Variants in TET3 observed in about 807,000 individuals in gnomAD.
The protein encoded by TET3 is methylcytosine dioxygenase TET3.
A neutral mutation model predicts 141.4 loss-of-function variants in TET3; 19 were observed. That is an observed-to-expected ratio of 0.13 (90% CI 0.09 to 0.20). The LOEUF (loss-of-function observed/expected upper bound fraction) is 0.20. Ranked by LOEUF, TET3 falls within the 10% of genes least tolerant of loss-of-function variation. The pLI, the probability that TET3 is intolerant of heterozygous loss-of-function variation, is 1.00. For synonymous variants in TET3, 1,043 were observed against 980.9 expected, an observed-to-expected ratio of 1.06 and a Z score of -1.18; for missense variants, 1,874 against 2,356.9, an observed-to-expected ratio of 0.80 and a Z score of 4.24.
intron 3 of TET3, among the ~76,000 whole-genome samples, chr2:74,020,273 C>A (rs1030797768): frequency 6.6e-6 from 1 of 152,172 alleles, no homozygotes; most frequent in Non-Finnish European, 1.5e-5. Context: ...CAATCTCTGC[C>A]TCTGGGTTCA....
chr2:74,058,647 G>T (rs1234703634), intron 4 of TET3, among the ~76,000 whole-genome samples: 1 of 151,712 alleles, frequency 6.6e-6, no homozygotes, highest in Non-Finnish European at 1.5e-5. Context: ...ACACATACAG[G>T]AAGATATGTA....
chr2:74,062,098 G>A (rs1168311996), intron 4 of TET3, among the ~76,000 whole-genome samples: 1 of 152,176 alleles, frequency 6.6e-6, no homozygotes, highest in African/African-American at 2.4e-5. Context: ...GTAGCGAGCC[G>A]AGAGCACGCC....
At chr2:74,080,126 A>G (rs1689724649) in intron 5 of TET3, among the ~76,000 whole-genome samples, 1 of 152,254 alleles carries the variant, frequency 6.6e-6, no homozygotes, top group East Asian at 1.9e-4. Context: ...ATAAATAGCT[A>G]ACTCTCAGGG....
intron 3 of TET3, among the ~76,000 whole-genome samples, chr2:74,024,922 G>A (rs1186899643): frequency 6.6e-6 from 1 of 151,986 alleles, no homozygotes; most frequent in Admixed American, 6.6e-5. Flanking sequence ...TGAACCATTT[G>A]AAAGTAAGTA....
chr2:74,094,194 C>T (rs1181656196), intron 10 of TET3, among the ~76,000 whole-genome samples: 1 of 152,140 alleles, frequency 6.6e-6, no homozygotes, highest in Non-Finnish European at 1.5e-5. Flanking sequence ...AGAGGCTGCT[C>T]TGAGGAGGGG....
chr2:74,048,760 A>G (rs952495508), intron 4 of TET3, among the ~76,000 whole-genome samples: 8 of 152,224 alleles, frequency 5.3e-5, no homozygotes, highest in African/African-American at 1.9e-4. Flanking sequence ...AGCTTGGGCA[A>G]CAGCTTAGTG....
At chr2:74,115,102 C>T in the TET3 span, among the ~76,000 whole-genome samples, 83,803 of 151,766 alleles carry the variant, frequency 0.55, 24,887 homozygotes, top group East Asian at 0.86. Context: ...AAATAAGCAA[C>T]TGAGATTATA....
intron 5 of TET3, among the ~76,000 whole-genome samples, chr2:74,080,248 C>T (rs935933715): frequency 2.6e-5 from 4 of 152,222 alleles, no homozygotes; most frequent in Non-Finnish European, 4.4e-5. Context: ...TGTCTTTCTG[C>T]CTTGGATCAG....
chr2:74,008,882 T>A (rs978820598), intron 3 of TET3, among the ~76,000 whole-genome samples: 6 of 152,156 alleles, frequency 3.9e-5, no homozygotes, highest in African/African-American at 1.4e-4. Flanking sequence ...CTGGAACTTT[T>A]ACGCCCTTGG....
At chr2:74,090,126 T>C in intron 8 of TET3, 79 bp downstream of exon 8, 1 of 1,565,210 alleles carries the variant, frequency 6.4e-7, no homozygotes, top group Non-Finnish European at 8.7e-7. Context: ...GAGGTAGTAC[T>C]GGCACGCCAT....
chr2:74,014,005 T>G (rs1371571591), intron 3 of TET3, among the ~76,000 whole-genome samples: 1 of 151,288 alleles, frequency 6.6e-6, no homozygotes, highest in East Asian at 1.9e-4. Context: ...GTAGCTGTGG[T>G]TTTTTTTTAA....
At chr2:74,002,842 C>A in intron 2 of TET3, 1 of 568,390 alleles carries the variant, frequency 1.8e-6, no homozygotes, top group Non-Finnish European at 3.2e-6. Context: ...CGGACGCGGG[C>A]CGGGGGTCGC....
At chr2:73,989,307 C>A (rs961486242) in intron 2 of TET3, among the ~76,000 whole-genome samples, 1 of 152,160 alleles carries the variant, frequency 6.6e-6, no homozygotes, top group South Asian at 2.1e-4. Flanking sequence ...TCTCGGACAT[C>A]AGACCATTTA....
At chr2:73,996,617 C>T (rs561757537) in intron 2 of TET3, among the ~76,000 whole-genome samples, 8 of 152,334 alleles carry the variant, frequency 5.3e-5, no homozygotes, top group Admixed American at 3.3e-4. Context: ...GAGCGATTCT[C>T]GTGCCTTAGC....
At chr2:74,043,374 T>G (rs958460544) in intron 3 of TET3, among the ~76,000 whole-genome samples, 1 of 152,164 alleles carries the variant, frequency 6.6e-6, no homozygotes, top group Non-Finnish European at 1.5e-5. Context: ...GTGTTACTGC[T>G]CCAGCTGTGG....
chr2:74,118,098 C>T, the TET3 span, among the ~76,000 whole-genome samples: 1 of 152,232 alleles, frequency 6.6e-6, no homozygotes, highest in Non-Finnish European at 1.5e-5. Flanking sequence ...CTGCTTTAAA[C>T]ACCTGTGACG....
At chr2:74,080,656 T>C (rs1689758014) in intron 6 of TET3, 65 bp downstream of exon 6, 1 of 1,233,044 alleles carries the variant, frequency 8.1e-7, no homozygotes, top group Admixed American at 2.2e-5. Context: ...TGGCCACGGC[T>C]GTGCCTGGTT....
chr2:74,011,617 T>C (rs573859447), intron 3 of TET3, among the ~76,000 whole-genome samples: 1 of 152,382 alleles, frequency 6.6e-6, no homozygotes, highest in Admixed American at 6.5e-5. Flanking sequence ...CTTTAGTTTC[T>C]TTTCTACCTG....
At position 73,986,051 on chromosome 2, in the gene TET3, C is replaced by A. The variant is rs1684010556; in HGVS notation, c.-353C>A. ...GGAGAAACTGCTCACTCAGCTCTGC[C>A]CCCACCACACCCCTACCTGCTCAAC... On this transcript the variant is annotated 5_prime_UTR_variant, in exon 2 of 12. Coordinates refer to ENST00000409262, the MANE Select transcript of TET3 (RefSeq NM_001287491.2). 1 of 201,662 alleles carries A rather than the reference C, an allele frequency of 5.0e-6. No homozygotes were observed. Among genetic ancestry groups the A allele is most frequent in the Non-Finnish European group, 9.9e-6 (1 of 101,404 alleles). The allele number at this position is 201,662 out of a possible 1,614,324, so 12.5% of individuals were successfully genotyped here.
Sources: gnomAD v4.1 joint callset for allele counts (sites outside exome capture counted in the v4.1 genomes callset) on GRCh38, gnomAD v4.1.1 for gene constraint, MANE v1.5 for transcripts, NCBI Gene and HGNC (gene_info 2026-07-23, HGNC 2026-07-21) for gene names.